DHDH: variants seen among roughly 807,000 people sequenced by gnomAD.
The protein encoded by DHDH is trans-1,2-dihydrobenzene-1,2-diol dehydrogenase.
In DHDH, 29 loss-of-function variants were observed where a neutral mutation model predicts 33.2. The observed-to-expected ratio is 0.87, with a 90% confidence interval of 0.65 to 1.19. DHDH has a LOEUF of 1.19. DHDH is among the 50% of genes most tolerant of loss of function. DHDH has a pLI of 0.00. For synonymous variants in DHDH, 201 were observed against 187.9 expected, an observed-to-expected ratio of 1.07 and a Z score of -0.57; for missense variants, 431 against 455.0, an observed-to-expected ratio of 0.95 and a Z score of 0.48.
chr19:48,933,404 T>C (rs965953183), upstream of DHDH, among the ~76,000 whole-genome samples: 11 of 152,150 alleles, frequency 7.2e-5, no homozygotes, highest in African/African-American at 2.7e-4. Flanking sequence ...CTCTCAAGGA[T>C]TGGTGTTGGC....
At chr19:48,941,675 CTT>C (rs541784306) in intron 4 of DHDH, among the ~76,000 whole-genome samples, 17 of 131,118 alleles carry the variant, frequency 1.3e-4, no homozygotes, top group Admixed American at 1.6e-4. Context: ...GAACCACCGG[CTT>C]TTTTTTTTTT....
intron 5 of DHDH, among the ~76,000 whole-genome samples, chr19:48,943,575 C>T (rs2037897148): frequency 6.6e-6 from 1 of 151,986 alleles, no homozygotes; most frequent in African/African-American, 2.4e-5. Flanking sequence ...CCTGTAATCC[C>T]AGCACTTTGG....
At chr19:48,934,804 T>G (rs1382362505) in intron 1 of DHDH, among the ~76,000 whole-genome samples, 196 bp from the exon 2 acceptor site, 1 of 152,092 alleles carries the variant, frequency 6.6e-6, no homozygotes, top group East Asian at 1.9e-4. Context: ...ATGAAGATAA[T>G]TTCAATATTG....
chr19:48,942,343 T>A (rs1253649100), intron 4 of DHDH, 97 bp from the exon 5 acceptor site: 9 of 1,293,182 alleles, frequency 7.0e-6, no homozygotes, highest in Non-Finnish European at 9.2e-6. Context: ...AGAAGTGAAG[T>A]CTCTTGCCCA....
In DHDH at chr19:48,942,464, T is replaced by G; in HGVS notation, c.644T>G (p.Leu215Arg). ...GGTGTGGATGACACTGTCACGGTGC[T>G]CCTGCAGTACCCAGGGGAGGTCCAT... ...ETGVDDTVTV[L>R]LQYPGEVHGS... is the part of the protein sequence containing the mutation. The change falls in exon 5 of 7, where the codon CTC (leucine) becomes CGC (arginine). Residue 215 changes from leucine (L) to arginine (R), a missense_variant. Physicochemically the swap from Leu to Arg is moderately radical, Grantham distance 102. Coordinates refer to ENST00000221403, the MANE Select transcript of DHDH (RefSeq NM_014475.4). 6.2e-7 allele frequency: 1 copy of G among 1,612,000 alleles called. No homozygotes were observed. The highest frequency in any genetic ancestry group is 2.2e-5 in the East Asian group (1 of 44,846).
Position 48,939,530 on chromosome 19 carries a change from G to C in DHDH, c.448G>C (p.Ala150Pro), listed in dbSNP as rs773323241. 3 of 1,614,126 alleles carry C rather than the reference G, an allele frequency of 1.9e-6. No homozygotes were observed. The South Asian group carries it at 3.3e-5, about 18-fold the overall frequency. The change falls in exon 4 of 7, where the codon GCT becomes CCT. Residue 150 changes from alanine (A) to proline (P), a missense_variant. Physicochemically the swap from Ala to Pro is conservative, Grantham distance 27. Transcript: ENST00000221403. ...GGGAACTCTAGGAGACCTCCGGGTGGCTCGGGCAGAATTTGGGAAGAATCT... is the reference window on the plus strand; with the variant it reads ...GGGAACTCTAGGAGACCTCCGGGTGCCTCGGGCAGAATTTGGGAAGAATCT... ...AQGTLGDLRV[A>P]RAEFGKNLIH...
chr19:48,938,945 T>C (rs952461931), intron 3 of DHDH, among the ~76,000 whole-genome samples: 3 of 152,272 alleles, frequency 2.0e-5, no homozygotes, highest in Admixed American at 1.3e-4. Flanking sequence ...ATTACAGGCG[T>C]GAGCCACCGT....
chr19:48,943,814 G>A (rs1257567980), intron 5 of DHDH, among the ~76,000 whole-genome samples: 1 of 141,490 alleles, frequency 7.1e-6, no homozygotes, highest in African/African-American at 2.7e-5. Context: ...CAACAAGAGC[G>A]AAACTCCGTC....
rs769591987 is a variant in DHDH, at chr19:48,936,149, G to T, written c.320G>T (p.Arg107Leu). The T allele has an allele frequency of 1.4e-5, 22 of 1,607,706 alleles. No individual in the cohort carries two copies. The highest frequency in any genetic ancestry group is 1.8e-5 in the Non-Finnish European group (21 of 1,177,942). The stretch of plus-strand genomic sequence containing the variant: ...ACGGGCGTGAACGCGGCGGAAGTTC[G>T]CGAGATGGTCGCGGAGGCCCGATCC... ...KPTGVNAAEVREMVAEARSRA... is the reference protein window; with the variant it reads ...KPTGVNAAEVLEMVAEARSRA... The change falls in exon 3 of 7, where the codon CGC (arginine) becomes CTC (leucine). Residue 107 changes from arginine to leucine, a missense_variant. Arg to Leu is a moderately radical substitution (Grantham distance 102). Coordinates refer to ENST00000221403, the MANE Select transcript of DHDH (RefSeq NM_014475.4).
At chr19:48,935,613 G>C (rs979824236) in intron 2 of DHDH, among the ~76,000 whole-genome samples, 7 of 151,558 alleles carry the variant, frequency 4.6e-5, no homozygotes, top group African/African-American at 1.7e-4. Flanking sequence ...GTCCGGAGAT[G>C]GAGACCATCC....
At position 48,942,522 on chromosome 19, in the gene DHDH, C is replaced by T. The variant is rs772859789; in HGVS notation, c.702C>T (p.Leu234=). The T allele has an allele frequency of 9.3e-6, 15 of 1,613,742 alleles. No individual in the cohort carries two copies. The Admixed American group carries it at 2.5e-4, about 27-fold the overall frequency. Reference sequence around the variant, plus strand: ...TCACCTGCAGCATCACCGTGCAGCTCTCCAACACGGCCTCCGTGAGCGGCA... The same window carrying T: ...TCACCTGCAGCATCACCGTGCAGCTTTCCAACACGGCCTCCGTGAGCGGCA... ...GSFTCSITVQ[L]SNTASVSGTK... Residue 234 remains leucine, a synonymous_variant, in exon 5 of 7, where the codon CTC becomes CTT. Coordinates refer to ENST00000221403, the MANE Select transcript of DHDH (RefSeq NM_014475.4).
At chr19:48,938,153 A>G (rs2037806473) in intron 3 of DHDH, among the ~76,000 whole-genome samples, 1 of 151,954 alleles carries the variant, frequency 6.6e-6, no homozygotes. Context: ...CTGGAGTGCA[A>G]TGGCGTGATC....
At chr19:48,938,352 C>T (rs1179762387) in intron 3 of DHDH, among the ~76,000 whole-genome samples, 4 of 152,136 alleles carry the variant, frequency 2.6e-5, no homozygotes, top group Admixed American at 6.6e-5. Context: ...CCGCCTTGGC[C>T]TCCCAAAGCG....
At chr19:48,933,570 TA>T, upstream of DHDH, 2 of 684,172 alleles carry the variant, frequency 2.9e-6, no homozygotes, top group Non-Finnish European at 5.1e-6. Flanking sequence ...AAGCTAGAAC[TA>T]AATGACCGCT....
At chr19:48,944,270 C>A (rs893814452) in intron 5 of DHDH, 87 bp from the exon 6 acceptor site, 1 of 1,577,880 alleles carries the variant, frequency 6.3e-7, no homozygotes, top group African/African-American at 1.3e-5. Context: ...AGAGGGAGGC[C>A]CCTGTGCACC....
At position 48,939,693 on chromosome 19, in the gene DHDH, A is replaced by G. The variant is rs757900117; in HGVS notation, c.611A>G (p.His204Arg). Residue 204 changes from histidine to arginine, a missense_variant, in exon 4 of 7, where the codon CAT (histidine) becomes CGT (arginine). By Grantham distance (29) the His-to-Arg change is conservative. Transcript: ENST00000221403. The part of the protein sequence containing the change: ...PEKISVVGRR[H>R]ETGVDDTVTV... Reference sequence around the variant, plus strand: ...AAGATTTCTGTCGTGGGAAGGCGTCATGAAACAGGTACCATCTATCCTGGA... The same window carrying G: ...AAGATTTCTGTCGTGGGAAGGCGTCGTGAAACAGGTACCATCTATCCTGGA... 2 of 1,600,186 alleles carry G rather than the reference A, an allele frequency of 1.2e-6. No individual in the cohort carries two copies.
intron 4 of DHDH, among the ~76,000 whole-genome samples, chr19:48,941,675 C>CTTT (rs541784306): frequency 7.6e-6 from 1 of 131,178 alleles, no homozygotes; most frequent in Admixed American, 7.8e-5. Flanking sequence ...GAACCACCGG[C>CTTT]TTTTTTTTTT....
chr19:48,937,962 T>C (rs924529674), intron 3 of DHDH, among the ~76,000 whole-genome samples: 2 of 152,108 alleles, frequency 1.3e-5, no homozygotes, highest in African/African-American at 4.8e-5. Context: ...CCTCAGGGTG[T>C]CACCGTCCCG....
In DHDH at chr19:48,939,621, A is replaced by C; in HGVS notation, c.539A>C (p.Tyr180Ser). The change falls in exon 4 of 7, where the codon TAC becomes TCC. Residue 180 changes from tyrosine to serine, a missense_variant. Tyr to Ser is a moderately radical substitution (Grantham distance 144). Transcript: ENST00000221403. ...GGGGCCCTGCTGGACATCGGCATCT[A>C]CTGTGTCCAGTTCACCTCCATGGTC... ...AGGALLDIGI[Y>S]CVQFTSMVFG... 2.5e-6 allele frequency: 4 copies of C among 1,614,046 alleles called. No individual in the cohort carries two copies. Among genetic ancestry groups the C allele is most frequent in the Non-Finnish European group, 3.4e-6 (4 of 1,179,980 alleles).
Sources: allele counts gnomAD v4.1 joint callset (sites outside exome capture counted in the v4.1 genomes callset), GRCh38; gene constraint gnomAD v4.1.1; transcripts MANE v1.5; gene names NCBI Gene and HGNC (gene_info 2026-07-23, HGNC 2026-07-21).